Variants in UST observed in about 807,000 individuals in gnomAD.
The protein encoded by UST is chondroitin sulfate 2-O-sulfotransferase.
Under a neutral mutation model 45.6 loss-of-function variants are expected in UST, and 21 were observed. That is an observed-to-expected ratio of 0.46 (90% confidence interval 0.33 to 0.66). The LOEUF (loss-of-function observed/expected upper bound fraction) is 0.66. Among genes scored for constraint, UST ranks in the 30% least tolerant of loss-of-function variants. The probability of loss-of-function intolerance (pLI) is 0.02; values close to 1 mark genes in which losing one functional copy is unlikely to be tolerated. For synonymous variants in UST, 215 were observed against 200.6 expected, an observed-to-expected ratio of 1.07 and a Z score of -0.61; for missense variants, 463 against 512.4, an observed-to-expected ratio of 0.90 and a Z score of 0.93.
intron 1 of UST, among the ~76,000 whole-genome samples, chr6:148,878,710 T>TCATGTATGAGTTCAGGAGG: frequency 7.0e-6 from 1 of 142,884 alleles, no homozygotes; most frequent in African/African-American, 2.6e-5. Flanking sequence ...AGTGCGGAGG[T>TCATGTATGAGTTCAGGAGG]CGTGTATGAG....
Position 148,975,125 on chromosome 6 carries a change from C to G in UST, c.681+10562C>G, listed in dbSNP as rs551547732. ...ACCCTGTGAGATTAAGACAAGGGTC[C>G]TAAACCAAGGCAATAAAATTAGCCG... On this transcript the variant is annotated intron_variant, in intron 5 of 7. Coordinates refer to ENST00000367463, the MANE Select transcript of UST (RefSeq NM_005715.3). Among the ~76,000 whole-genome samples, 15 of 152,342 alleles carry G rather than the reference C, an allele frequency of 9.8e-5. No individual in the cohort carries two copies. The East Asian group carries it at 2.9e-3, about 29-fold the overall frequency.
intron 1 of UST, among the ~76,000 whole-genome samples, chr6:148,851,643 G>A (rs1371062148): frequency 1.3e-5 from 2 of 152,198 alleles, no homozygotes; most frequent in African/African-American, 4.8e-5. Context: ...ATCAATGCTG[G>A]TGTAAATCAC....
At chr6:148,839,208 C>T (rs979313162) in intron 1 of UST, among the ~76,000 whole-genome samples, 3 of 152,232 alleles carry the variant, frequency 2.0e-5, no homozygotes, top group Admixed American at 6.5e-5. Context: ...TGCTAAGTGC[C>T]GTGTATACAA....
intron 1 of UST, among the ~76,000 whole-genome samples, chr6:148,873,577 C>T (rs9373578): frequency 0.06 from 9,102 of 152,204 alleles, 445 homozygotes; most frequent in African/African-American, 0.13. Context: ...CACAAGCCTG[C>T]CGTGGCTCCC....
At chr6:148,908,328 C>A (rs1230514471) in intron 2 of UST, among the ~76,000 whole-genome samples, 1 of 151,988 alleles carries the variant, frequency 6.6e-6, no homozygotes, top group Non-Finnish European at 1.5e-5. Flanking sequence ...TATTGGAATA[C>A]CCTTTTAGAA....
intron 1 of UST, among the ~76,000 whole-genome samples, chr6:148,859,198 A>C (rs1307021797): frequency 6.6e-6 from 1 of 152,074 alleles, no homozygotes; most frequent in Admixed American, 6.6e-5. Context: ...CTGGTGTGAG[A>C]TGGTATCTCA....
At chr6:148,763,977 A>G (rs1280095621) in intron 1 of UST, among the ~76,000 whole-genome samples, 1 of 152,088 alleles carries the variant, frequency 6.6e-6, no homozygotes, top group African/African-American at 2.4e-5. Context: ...TTGACTATTC[A>G]GGGTCTTTTT....
intron 1 of UST, among the ~76,000 whole-genome samples, chr6:148,775,089 C>A (rs1482512221): frequency 2.0e-5 from 3 of 152,106 alleles, no homozygotes; most frequent in African/African-American, 4.8e-5. Context: ...ATGATCTCAC[C>A]TCTAACAAGG....
intron 5 of UST, among the ~76,000 whole-genome samples, chr6:148,968,485 C>G (rs940943764): frequency 4.6e-5 from 7 of 152,208 alleles, no homozygotes; most frequent in African/African-American, 1.7e-4. Flanking sequence ...GTGGCTGCCT[C>G]CTTTTTGGGG....
At chr6:148,993,627 G>T (rs1298381531) in intron 5 of UST, among the ~76,000 whole-genome samples, 1 of 152,182 alleles carries the variant, frequency 6.6e-6, no homozygotes, top group Non-Finnish European at 1.5e-5. Context: ...GGTGGGGCCT[G>T]GTGGGAAGTG....
chr6:148,960,182 G>A (rs1055323007), intron 4 of UST, among the ~76,000 whole-genome samples: 1 of 152,094 alleles, frequency 6.6e-6, no homozygotes, highest in South Asian at 2.1e-4. Flanking sequence ...CCAACTACTT[G>A]GGAGACTGTG....
At chr6:149,003,149 G>T (rs1447058214) in intron 5 of UST, among the ~76,000 whole-genome samples, 1 of 152,150 alleles carries the variant, frequency 6.6e-6, no homozygotes, top group Non-Finnish European at 1.5e-5. Flanking sequence ...CCATATCGTG[G>T]CATGATAGAA....
intron 7 of UST, among the ~76,000 whole-genome samples, chr6:149,065,612 A>G (rs1776719229): frequency 6.6e-6 from 1 of 152,172 alleles, no homozygotes; most frequent in African/African-American, 2.4e-5. Flanking sequence ...TTTTTCACTT[A>G]CCAGCCAGCT....
chr6:149,033,393 G>T (rs1468942505), intron 7 of UST, among the ~76,000 whole-genome samples: 1 of 152,004 alleles, frequency 6.6e-6, no homozygotes, highest in East Asian at 1.9e-4. Flanking sequence ...AATATTTCTT[G>T]GTCTGTATAT....
At chr6:148,771,748 A>G (rs546917872) in intron 1 of UST, among the ~76,000 whole-genome samples, 1 of 152,332 alleles carries the variant, frequency 6.6e-6, no homozygotes, top group African/African-American at 2.4e-5. Flanking sequence ...TGGATGATAT[A>G]TGTTTACTAA....
chr6:149,031,669 A>G (rs1776145441), intron 7 of UST, among the ~76,000 whole-genome samples: 1 of 152,252 alleles, frequency 6.6e-6, no homozygotes, highest in African/African-American at 2.4e-5. Context: ...ATAACTTTAC[A>G]AAAATATTTC....
At chr6:148,775,641 G>GGGT (rs1776518679) in intron 1 of UST, among the ~76,000 whole-genome samples, 4 of 150,242 alleles carry the variant, frequency 2.7e-5, no homozygotes, top group Non-Finnish European at 5.9e-5. Flanking sequence ...TTTTTTTTTG[G>GGGT]GGCGGGGAGA....
At chr6:148,922,386 TACTC>T (rs1340830443) in intron 2 of UST, among the ~76,000 whole-genome samples, 2 of 152,252 alleles carry the variant, frequency 1.3e-5, no homozygotes, top group Non-Finnish European at 2.9e-5. Flanking sequence ...TGACTTCTCT[TACTC>T]AGCATAATGT....
chr6:149,073,998 T>C lies in UST; in HGVS notation c.1103T>C (p.Val368Ala). The stretch of plus-strand genomic sequence containing the variant: ...CGCAAGTTTGGACTTAAGTCTCACG[T>C]CAGCAAGCCCCCCCTGAGGCCACAC... ...LKRKFGLKSH[V>A]SKPPLRPHFF... The change falls in exon 8 of 8, where the codon GTC becomes GCC. Residue 368 changes from valine (V) to alanine (A), a missense_variant. By Grantham distance (64) the Val-to-Ala change is moderately conservative (BLOSUM62 0). This residue lies in a region of UST where 287 missense variants were observed against 374.2 expected (regional missense o/e 0.77). Transcript: ENST00000367463. The C allele has an allele frequency of 6.2e-7, 1 of 1,614,158 alleles. No individual in the cohort carries two copies. The highest frequency in any genetic ancestry group is 8.5e-7 in the Non-Finnish European group (1 of 1,180,012).
Sources: allele counts gnomAD v4.1 joint callset (sites outside exome capture counted in the v4.1 genomes callset), GRCh38; gene constraint gnomAD v4.1.1; regional missense constraint gnomAD v4.1.1; transcripts MANE v1.5; gene names NCBI Gene and HGNC (gene_info 2026-07-23, HGNC 2026-07-21).